Variants in PTPRK observed in about 807,000 individuals in gnomAD.
PTPRK encodes the protein protein tyrosine phosphatase receptor type K.
In PTPRK, 75 loss-of-function variants were observed where a neutral mutation model predicts 178.0. The observed-to-expected ratio is 0.42, with a 90% CI of 0.35 to 0.51. The LOEUF (loss-of-function observed/expected upper bound fraction) is 0.51. PTPRK is among the 20% of genes least tolerant of loss of function. PTPRK has a pLI of 0.02. For synonymous variants in PTPRK, 637 were observed against 620.6 expected (o/e 1.03, Z -0.39); for missense variants, 1,441 against 1,797.8 (o/e 0.80, Z 3.59).
intron 7 of PTPRK, among the ~76,000 whole-genome samples, chr6:128,140,171 T>C (rs977814791): frequency 2.6e-5 from 4 of 152,042 alleles, no homozygotes; most frequent in Admixed American, 2.0e-4. Flanking sequence ...ATGAATAACA[T>C]TTATGACAGC....
intron 13 of PTPRK, among the ~76,000 whole-genome samples, chr6:128,035,170 C>A (rs1182726382): frequency 1.3e-5 from 2 of 152,104 alleles, no homozygotes; most frequent in Admixed American, 1.3e-4. Context: ...AGTTCAAGAC[C>A]AGCCTGGCCA....
At chr6:127,992,541 T>G in intron 19 of PTPRK, 132 bp downstream of exon 19, 1 of 648,616 alleles carries the variant, frequency 1.5e-6, no homozygotes, top group Non-Finnish European at 2.7e-6. Flanking sequence ...TACAAATGAG[T>G]AAGGAGCAGT....
At chr6:128,117,071 G>A (rs1388430140) in intron 7 of PTPRK, among the ~76,000 whole-genome samples, 5 of 152,000 alleles carry the variant, frequency 3.3e-5, no homozygotes, top group African/African-American at 9.7e-5. Flanking sequence ...GCATGAACCC[G>A]GGAGGCGGAG....
intron 13 of PTPRK, among the ~76,000 whole-genome samples, chr6:128,037,487 A>G (rs1376607097): frequency 2.0e-5 from 3 of 152,220 alleles, no homozygotes; most frequent in African/African-American, 7.2e-5. Context: ...CTGCCTATCA[A>G]GATTTAAGAA....
intron 7 of PTPRK, among the ~76,000 whole-genome samples, chr6:128,180,562 G>A: frequency 6.6e-6 from 1 of 151,964 alleles, no homozygotes; most frequent in South Asian, 2.1e-4. Flanking sequence ...GCAACTAATT[G>A]CAGTTACCAA....
intron 7 of PTPRK, among the ~76,000 whole-genome samples, chr6:128,093,046 A>G (rs949212614): frequency 3.3e-5 from 5 of 152,214 alleles, no homozygotes; most frequent in African/African-American, 1.2e-4. Flanking sequence ...CGTATTTATA[A>G]CAAATAAAAA....
intron 2 of PTPRK, among the ~76,000 whole-genome samples, chr6:128,395,547 T>G (rs1840188054): frequency 6.6e-6 from 1 of 152,136 alleles, no homozygotes; most frequent in Admixed American, 6.5e-5. Context: ...TGATAAACAT[T>G]CAAAATGTGT....
chr6:127,999,007 A>G, intron 15 of PTPRK, 103 bp from the exon 16 acceptor site: 3 of 994,132 alleles, frequency 3.0e-6, no homozygotes, highest in Non-Finnish European at 2.8e-6. Context: ...GATCTTTCTG[A>G]TAACAAGAGG....
At chr6:127,981,066 T>C (rs771817062) in intron 25 of PTPRK, 50 bp downstream of exon 25, 7 of 1,509,482 alleles carry the variant, frequency 4.6e-6, no homozygotes, top group South Asian at 3.7e-5. Flanking sequence ...TCAGTTGCAT[T>C]ATGTAGCTTT....
intron 1 of PTPRK, among the ~76,000 whole-genome samples, chr6:128,445,274 TACTA>T (rs1198690945): frequency 7.3e-6 from 1 of 137,150 alleles, no homozygotes; most frequent in African/African-American, 2.9e-5. Context: ...ATAGTATAAA[TACTA>T]TATATAATAG....
intron 7 of PTPRK, among the ~76,000 whole-genome samples, chr6:128,165,065 G>A (rs1799207313): frequency 6.6e-6 from 1 of 150,936 alleles, no homozygotes; most frequent in Non-Finnish European, 1.5e-5. Context: ...TATCTTCTGT[G>A]AATTCTATGT....
chr6:128,141,674 T>C (rs887421133), intron 7 of PTPRK, among the ~76,000 whole-genome samples: 3 of 151,926 alleles, frequency 2.0e-5, no homozygotes, highest in Non-Finnish European at 2.9e-5. Context: ...TTAAAGCAAC[T>C]GTTTTGAGCA....
intron 7 of PTPRK, among the ~76,000 whole-genome samples, chr6:128,112,293 T>C (rs1030778572): frequency 2.0e-5 from 3 of 152,086 alleles, no homozygotes; most frequent in African/African-American, 7.2e-5. Flanking sequence ...ATGGAAAATA[T>C]AGGTAAAAAT....
At chr6:128,323,774 T>G (rs757006036) in intron 2 of PTPRK, among the ~76,000 whole-genome samples, 2 of 152,186 alleles carry the variant, frequency 1.3e-5, no homozygotes, top group South Asian at 2.1e-4. Context: ...TGATAGTGGC[T>G]GATATTATTG....
intron 5 of PTPRK, among the ~76,000 whole-genome samples, chr6:128,225,164 G>A (rs1182701499): frequency 6.6e-6 from 1 of 151,886 alleles, no homozygotes; most frequent in Non-Finnish European, 1.5e-5. Context: ...TTATTTCAAG[G>A]CTATTGACTT....
chr6:128,052,556 A>T (rs568760715), intron 13 of PTPRK, among the ~76,000 whole-genome samples: 1 of 152,240 alleles, frequency 6.6e-6, no homozygotes, highest in South Asian at 2.1e-4. Flanking sequence ...TAGATTAAGG[A>T]TATACATCTT....
At chr6:128,413,574 C>T (rs917962868) in intron 1 of PTPRK, among the ~76,000 whole-genome samples, 5 of 152,168 alleles carry the variant, frequency 3.3e-5, no homozygotes, top group African/African-American at 4.8e-5. Context: ...GGTATTCCTC[C>T]GTGGTGTCTT....
intron 2 of PTPRK, among the ~76,000 whole-genome samples, chr6:128,395,289 A>T (rs893949080): frequency 6.6e-6 from 1 of 152,200 alleles, no homozygotes; most frequent in African/African-American, 2.4e-5. Flanking sequence ...AGTGGCCGTG[A>T]CCTTTTTCCC....
At chr6:128,372,499 T>C (rs549501683) in intron 2 of PTPRK, among the ~76,000 whole-genome samples, 50 of 152,174 alleles carry the variant, frequency 3.3e-4, no homozygotes, top group African/African-American at 1.2e-3. Context: ...GTGACAGAGG[T>C]ACATTAGGCA....
Sources: gnomAD v4.1 joint callset for allele counts (sites outside exome capture counted in the v4.1 genomes callset) on GRCh38, gnomAD v4.1.1 for gene constraint, MANE v1.5 for transcripts, NCBI Gene and HGNC (gene_info 2026-07-23, HGNC 2026-07-21) for gene names.